The following NHS variants were observed in gnomAD, a reference collection of about 807,000 sequenced individuals.
NHS encodes NHS actin remodeling regulator.
Under a neutral mutation model 72.5 loss-of-function variants are expected in NHS, and 5 were observed. The ratio of observed to expected loss-of-function variants is 0.07; its 90% CI spans 0.04 to 0.14. NHS has a LOEUF of 0.14. Among genes scored for constraint, NHS ranks in the 10% least tolerant of loss-of-function variants. The probability of loss-of-function intolerance (pLI) is 1.00; values close to 1 mark genes in which losing one functional copy is unlikely to be tolerated. For synonymous variants in NHS, 464 were observed against 547.7 expected, an observed-to-expected ratio of 0.85 and a Z score of 2.13; for missense variants, 1,072 against 1,355.7, an observed-to-expected ratio of 0.79 and a Z score of 3.29.
chrX:17,642,494 C>T (rs2065886857), intron 1 of NHS, among the ~76,000 whole-genome samples: 1 of 111,679 alleles, frequency 9.0e-6, no homozygotes, highest in Admixed American at 9.5e-5. Context: ...CCCCTTTTTC[C>T]TGACCCCTTT....
chrX:17,715,421 C>T (rs984718219), intron 3 of NHS, among the ~76,000 whole-genome samples: 2 of 112,181 alleles, frequency 1.8e-5, no homozygotes, highest in Non-Finnish European at 3.8e-5. Flanking sequence ...TTTATCCAAT[C>T]GTTGGTTGAT....
At chrX:17,478,932 T>C (rs2064933400) in intron 1 of NHS, among the ~76,000 whole-genome samples, 1 of 111,832 alleles carries the variant, frequency 8.9e-6, no homozygotes, top group African/African-American at 3.3e-5. Flanking sequence ...TACTTTAAGT[T>C]CTGGGATATA....
intron 1 of NHS, among the ~76,000 whole-genome samples, chrX:17,525,799 G>T (rs1285223781): frequency 9.0e-6 from 1 of 110,615 alleles, no homozygotes; most frequent in Non-Finnish European, 1.9e-5. Flanking sequence ...ACTAATGGGG[G>T]ATGTTTGGGA....
At chrX:17,391,637 A>G (rs2064446044) in intron 1 of NHS, among the ~76,000 whole-genome samples, 1 of 111,937 alleles carries the variant, frequency 8.9e-6, no homozygotes, top group Admixed American at 9.4e-5. Context: ...AAATGGGAAG[A>G]GAAGAATGCT....
intron 1 of NHS, among the ~76,000 whole-genome samples, chrX:17,677,065 T>C (rs2066086669): frequency 9.0e-6 from 1 of 111,712 alleles, no homozygotes; most frequent in Non-Finnish European, 1.9e-5. Flanking sequence ...CATCAAGATT[T>C]CTGGCAGTAG....
intron 1 of NHS, among the ~76,000 whole-genome samples, chrX:17,600,286 C>CAG (rs113777136): frequency 0.23 from 22,863 of 101,001 alleles, 2,198 homozygotes; most frequent in Middle Eastern, 0.4. Flanking sequence ...CAGAGAGAGA[C>CAG]AGAGAGAGAG....
chrX:17,379,898 A>T (rs1236416432), intron 1 of NHS, among the ~76,000 whole-genome samples: 1 of 112,121 alleles, frequency 8.9e-6, no homozygotes, highest in Non-Finnish European at 1.9e-5. Flanking sequence ...TATTTGAGCC[A>T]TGTTAAGTTT....
chrX:17,621,057 G>T (rs771101697), intron 1 of NHS, among the ~76,000 whole-genome samples: 2 of 112,479 alleles, frequency 1.8e-5, no homozygotes, highest in Non-Finnish European at 3.8e-5. Flanking sequence ...AGAATACTCT[G>T]CTGCTCTGCA....
intron 1 of NHS, among the ~76,000 whole-genome samples, chrX:17,597,901 G>A (rs1424067407): frequency 9.0e-6 from 1 of 111,513 alleles, no homozygotes; most frequent in Admixed American, 9.5e-5. Flanking sequence ...CCAAGCGAGA[G>A]AGGGTGCCCA....
intron 1 of NHS, among the ~76,000 whole-genome samples, chrX:17,532,369 A>G (rs73189149): frequency 6.3e-5 from 7 of 110,966 alleles, no homozygotes; most frequent in Non-Finnish European, 1.1e-4. Context: ...GCCCCAGGAA[A>G]CAAAGATGAA....
chrX:17,654,078 C>CA (rs1323635867), intron 1 of NHS, among the ~76,000 whole-genome samples: 2 of 55 alleles, frequency 0.036, no homozygotes, highest in African/African-American at 0.12. Context: ...CTGCCCTTGG[C>CA]AGCAGAACTC....
intron 1 of NHS, among the ~76,000 whole-genome samples, chrX:17,600,859 C>A (rs766723539): frequency 4.5e-5 from 5 of 111,258 alleles, no homozygotes; most frequent in South Asian, 7.7e-4. Flanking sequence ...TGAGTGGGAG[C>A]TTGTGAGCTT....
intron 1 of NHS, among the ~76,000 whole-genome samples, chrX:17,488,387 C>T (rs1016769773): frequency 1.8e-5 from 2 of 110,885 alleles, no homozygotes; most frequent in Admixed American, 9.6e-5. Context: ...TTTTTTGGTG[C>T]GGGAAGGGAT....
intron 1 of NHS, among the ~76,000 whole-genome samples, chrX:17,485,972 A>G (rs1172460117): frequency 9.0e-6 from 1 of 111,563 alleles, no homozygotes; most frequent in Admixed American, 9.5e-5. Flanking sequence ...TTCCTCCCCT[A>G]GCTGGGACTA....
intron 1 of NHS, among the ~76,000 whole-genome samples, chrX:17,474,282 T>C: frequency 8.9e-6 from 1 of 112,362 alleles, no homozygotes; most frequent in Non-Finnish European, 1.9e-5. Flanking sequence ...GCCTAACCAC[T>C]AGTGATTTAT....
intron 1 of NHS, among the ~76,000 whole-genome samples, chrX:17,567,269 A>G (rs2065449124): frequency 8.9e-6 from 1 of 112,103 alleles, no homozygotes; most frequent in Non-Finnish European, 1.9e-5. Context: ...ACTGCGTTTG[A>G]AGCCTTAGGC....
intron 1 of NHS, among the ~76,000 whole-genome samples, chrX:17,475,880 A>G (rs1271844412): frequency 9.0e-6 from 1 of 111,041 alleles, no homozygotes; most frequent in African/African-American, 3.3e-5. Flanking sequence ...TTTGCCTCTC[A>G]TTTCACGCTG....
chrX:17,447,847 A>C (rs1314820612), intron 1 of NHS, among the ~76,000 whole-genome samples: 1 of 109,669 alleles, frequency 9.1e-6, no homozygotes, highest in Non-Finnish European at 1.9e-5. Flanking sequence ...TTCTTCTTTA[A>C]TTGTAAAACA....
chrX:17,382,505 A>T (rs901665198), intron 1 of NHS, among the ~76,000 whole-genome samples: 1 of 112,367 alleles, frequency 8.9e-6, no homozygotes, highest in African/African-American at 3.2e-5. Context: ...GGTCATGAAG[A>T]TATCTCAAAA....
Sources: gnomAD v4.1 joint callset for allele counts (sites outside exome capture counted in the v4.1 genomes callset) on GRCh38, gnomAD v4.1.1 for gene constraint, MANE v1.5 for transcripts, NCBI Gene and HGNC (gene_info 2026-07-23, HGNC 2026-07-21) for gene names.